MAP2: variants seen among roughly 807,000 people sequenced by gnomAD.
MAP2 encodes the protein microtubule-associated protein 2.
MAP2 carries 14 observed loss-of-function variants against 137.6 expected under a neutral mutation model. The ratio of observed to expected loss-of-function variants is 0.10; its 90% CI spans 0.07 to 0.16. The LOEUF (loss-of-function observed/expected upper bound fraction) is 0.16, where lower values mean the gene tolerates loss of function less well. Among genes scored for constraint, MAP2 ranks in the 10% least tolerant of loss-of-function variants. The pLI is 1.00. For missense variants in MAP2, 2,088 were observed against 2,191.5 expected, an observed-to-expected ratio of 0.95 and a Z score of 0.94; for synonymous variants, 786 against 782.3, an observed-to-expected ratio of 1.00 and a Z score of -0.08.
chr2:209,524,482 G>T (rs1300955732), intron 2 of MAP2, among the ~76,000 whole-genome samples: 1 of 151,886 alleles, frequency 6.6e-6, no homozygotes, highest in Non-Finnish European at 1.5e-5. Context: ...TATGTTAGTA[G>T]CCTCGAAACA....
chr2:209,559,083 T>C (rs1009839193), intron 2 of MAP2, among the ~76,000 whole-genome samples: 8 of 152,070 alleles, frequency 5.3e-5, no homozygotes, highest in African/African-American at 1.9e-4. Context: ...TGTTACTATA[T>C]TGGAGGATGA....
intron 2 of MAP2, among the ~76,000 whole-genome samples, chr2:209,557,654 T>C (rs1241201062): frequency 6.6e-6 from 1 of 152,192 alleles, no homozygotes; most frequent in Non-Finnish European, 1.5e-5. Flanking sequence ...TCCCAGGGGC[T>C]CTGAAGAGTG....
Position 209,694,978 on chromosome 2 carries a change from C to A in MAP2, c.2808C>A (p.Ser936=). 1.2e-6 allele frequency: 2 copies of A among 1,614,082 alleles called. No individual in the cohort carries two copies. Among genetic ancestry groups the A allele is most frequent in the Non-Finnish European group, 1.7e-6 (2 of 1,180,030 alleles). Residue 936 remains serine, a synonymous_variant, in exon 8 of 16, where the codon TCC becomes TCA. Transcript: ENST00000682079. ...KDEFSVDKEA[S]AHISGDKSGL... The stretch of plus-strand genomic sequence containing the variant: ...AGTTCAGTGTTGACAAAGAAGCATC[C>A]GCGCATATCTCTGGTGACAAATCAG...
At chr2:209,559,723 A>G (rs531715788) in intron 2 of MAP2, among the ~76,000 whole-genome samples, 1 of 152,112 alleles carries the variant, frequency 6.6e-6, no homozygotes, top group African/African-American at 2.4e-5. Context: ...CCTTTCATCA[A>G]GTCTCATTAG....
chr2:209,504,260 G>C (rs288063), intron 1 of MAP2, among the ~76,000 whole-genome samples: 11,578 of 111,514 alleles, frequency 0.1, 603 homozygotes, highest in African/African-American at 0.16. Context: ...TCATAAAACT[G>C]AACTTTAAAA....
At chr2:209,718,274 A>G (rs1428233575) in intron 13 of MAP2, among the ~76,000 whole-genome samples, 1 of 152,218 alleles carries the variant, frequency 6.6e-6, no homozygotes, top group African/African-American at 2.4e-5. Flanking sequence ...AAGCCAAACA[A>G]AGACACAGGA....
intron 1 of MAP2, among the ~76,000 whole-genome samples, chr2:209,480,804 G>A (rs979205096): frequency 6.6e-6 from 1 of 152,194 alleles, no homozygotes; most frequent in Admixed American, 6.5e-5. Context: ...AGGGATGGCA[G>A]GAACCAGGTT....
rs200198018 is a variant in MAP2, at chr2:209,428,923, TTTTA to T, written c.-222+4691_-222+4694del. ...GCCTTCTTTGAATTACTTTATTTTA[TTTTA>T]TTTATTTATTTATTTATTTATTTAT... is the stretch of plus-strand genomic sequence containing the variant. On this transcript the variant is annotated intron_variant, in intron 1 of 15. Transcript: ENST00000682079. Among the ~76,000 whole-genome samples the T allele has an allele frequency of 7.6e-3, 1,119 of 146,402 alleles. 9 individuals carry two copies. The highest frequency in any genetic ancestry group is 0.03 in the East Asian group (144 of 4,842).
At chr2:209,671,170 C>T (rs918999829) in intron 5 of MAP2, among the ~76,000 whole-genome samples, 3 of 151,854 alleles carry the variant, frequency 2.0e-5, no homozygotes, top group Admixed American at 1.3e-4. Flanking sequence ...TCTGTAGCTG[C>T]AATGTTGGCC....
chr2:209,589,773 G>A (rs747647479), intron 3 of MAP2, among the ~76,000 whole-genome samples: 16 of 152,114 alleles, frequency 1.1e-4, no homozygotes, highest in Non-Finnish European at 1.8e-4. Flanking sequence ...AATTTTAAGC[G>A]AATGGTAAAT....
intron 5 of MAP2, among the ~76,000 whole-genome samples, chr2:209,655,288 G>A (rs750533782): frequency 2.6e-5 from 4 of 152,184 alleles, no homozygotes; most frequent in Non-Finnish European, 5.9e-5. Flanking sequence ...TATGTTCTGA[G>A]TGACAAAAAT....
intron 3 of MAP2, among the ~76,000 whole-genome samples, chr2:209,591,409 G>A (rs187677347): frequency 4.3e-4 from 66 of 152,110 alleles, no homozygotes; most frequent in Non-Finnish European, 1.8e-4. Context: ...CAAGTTGTTC[G>A]TTTTCTATCT....
At chr2:209,609,686 A>G (rs1266450356) in intron 3 of MAP2, among the ~76,000 whole-genome samples, 1 of 152,172 alleles carries the variant, frequency 6.6e-6, no homozygotes, top group African/African-American at 2.4e-5. Context: ...CATTGAATGG[A>G]TATGCCAGAT....
chr2:209,721,172 G>T (rs1040990510), intron 13 of MAP2, among the ~76,000 whole-genome samples: 1 of 152,164 alleles, frequency 6.6e-6, no homozygotes, highest in Non-Finnish European at 1.5e-5. Context: ...GGTGCAAGTT[G>T]TCAAGCTAGA....
chr2:209,621,373 C>T (rs1225078860), intron 3 of MAP2, among the ~76,000 whole-genome samples: 2 of 149,544 alleles, frequency 1.3e-5, no homozygotes, highest in Non-Finnish European at 3.0e-5. Flanking sequence ...ATTCTGTTTC[C>T]TCAGCTTCCT....
At chr2:209,597,229 G>T (rs1343356936) in intron 3 of MAP2, among the ~76,000 whole-genome samples, 2 of 152,082 alleles carry the variant, frequency 1.3e-5, no homozygotes, top group African/African-American at 2.4e-5. Flanking sequence ...GTTAATTGGG[G>T]TTTTTCCATT....
At chr2:209,630,280 A>G (rs552425029) in intron 4 of MAP2, among the ~76,000 whole-genome samples, 2 of 151,890 alleles carry the variant, frequency 1.3e-5, no homozygotes, top group East Asian at 1.9e-4. Flanking sequence ...CATTCTCCCA[A>G]TCTCTCTGGG....
At chr2:209,481,509 A>G (rs1276773073) in intron 1 of MAP2, among the ~76,000 whole-genome samples, 1 of 152,168 alleles carries the variant, frequency 6.6e-6, no homozygotes, top group African/African-American at 2.4e-5. Flanking sequence ...GCTGTCAACC[A>G]ATCAATGTCC....
intron 2 of MAP2, among the ~76,000 whole-genome samples, chr2:209,566,548 C>T (rs1049929379): frequency 6.6e-6 from 1 of 152,148 alleles, no homozygotes. Context: ...CTATCCATGT[C>T]GCATATTCTT....
Sources: allele counts gnomAD v4.1 joint callset (sites outside exome capture counted in the v4.1 genomes callset), GRCh38; gene constraint gnomAD v4.1.1; transcripts MANE v1.5; gene names NCBI Gene and HGNC (gene_info 2026-07-23, HGNC 2026-07-21).